CLYBL: variants seen among roughly 807,000 people sequenced by gnomAD.
The protein encoded by CLYBL is citramalyl-CoA lyase.
Under a neutral mutation model 38.9 loss-of-function variants are expected in CLYBL, and 31 were observed. That is an observed-to-expected ratio of 0.80 (90% CI 0.60 to 1.08). The LOEUF (loss-of-function observed/expected upper bound fraction) is 1.08, where lower values mean the gene tolerates loss of function less well. Ranked by LOEUF, CLYBL falls within the 50% of genes least tolerant of loss-of-function variation. The pLI, the probability that CLYBL is intolerant of heterozygous loss-of-function variation, is 0.00. For synonymous variants in CLYBL, 171 were observed against 158.6 expected (o/e 1.08, Z -0.59); for missense variants, 434 against 411.6 (o/e 1.05, Z -0.47).
Position 99,866,395 on chromosome 13 carries a change from A to G in CLYBL, c.790A>G (p.Met264Val), listed in dbSNP as rs775865969. The G allele has an allele frequency of 1.1e-5, 17 of 1,612,924 alleles. No homozygotes were observed. Among genetic ancestry groups the G allele is most frequent in the Admixed American group, 8.4e-5 (5 of 59,578 alleles). ...TAGACAGTCACGAGAAGGAGCCGCC[A>G]TGGGCTTCACTGGTATGATTCCTGT... ...LLRQSREGAA[M>V]GFTGKQVIHP... The change falls in exon 6 of 9, where the codon ATG becomes GTG. Residue 264 changes from methionine to valine, a missense_variant. Transcript: ENST00000339105.
chr13:99,680,930 A>G (rs1189234332), intron 1 of CLYBL, among the ~76,000 whole-genome samples: 3 of 152,098 alleles, frequency 2.0e-5, no homozygotes, highest in Admixed American at 6.5e-5. Context: ...ACTGTGGCCT[A>G]TCCACACACT....
intron 2 of CLYBL, among the ~76,000 whole-genome samples, chr13:99,778,676 C>G (rs1408731627): frequency 1.3e-5 from 2 of 152,190 alleles, no homozygotes; most frequent in African/African-American, 4.8e-5. Flanking sequence ...TGCCTCCACT[C>G]CCTCTTATCT....
chr13:99,870,462 A>AGAG (rs765449672), intron 6 of CLYBL, among the ~76,000 whole-genome samples: 4,465 of 152,346 alleles, frequency 0.029, no homozygotes, highest in Non-Finnish European at 0.045. Flanking sequence ...TATGAAAACC[A>AGAG]GCAGACCATT....
intron 7 of CLYBL, among the ~76,000 whole-genome samples, chr13:99,873,380 G>A (rs1463630310): frequency 6.6e-6 from 1 of 152,142 alleles, no homozygotes; most frequent in Non-Finnish European, 1.5e-5. Context: ...CATCTAGTCT[G>A]TTTTATGTCA....
At chr13:99,757,706 G>A (rs1174032025) in intron 1 of CLYBL, among the ~76,000 whole-genome samples, 1 of 152,116 alleles carries the variant, frequency 6.6e-6, no homozygotes. Flanking sequence ...TGATCCACCC[G>A]CCTCGGCCTC....
chr13:99,621,462 C>T lies in CLYBL; in HGVS notation c.62+14705C>T, dbSNP rs114778342. On this transcript the variant is annotated intron_variant, in intron 1 of 8. Coordinates refer to ENST00000339105, the MANE Select transcript of CLYBL (RefSeq NM_206808.5). ...CTAACCTCTCCGCTGACTTTTGTCA[C>T]CCTTCCCTGTGTTAAGGTGATCGAG... Among the ~76,000 whole-genome samples, 184 of 152,312 alleles carry T rather than the reference C, an allele frequency of 1.2e-3. 2 individuals are homozygous for T. The highest frequency in any genetic ancestry group is 4.2e-3 in the African/African-American group (173 of 41,562).
downstream of CLYBL, chr13:99,896,015 G>A (rs946669020): frequency 6.6e-6 from 1 of 151,646 alleles, no homozygotes; most frequent in African/African-American, 2.4e-5. Flanking sequence ...CAGGAGGAGC[G>A]CGGGGTACAC....
At chr13:99,904,463 T>C (rs2052674294) in intron 8 of CLYBL, among the ~76,000 whole-genome samples, 1 of 152,228 alleles carries the variant, frequency 6.6e-6, no homozygotes, top group Non-Finnish European at 1.5e-5. Context: ...GTTGATTGAT[T>C]CCTCACACAT....
chr13:99,824,946 GC>G (rs67051720), intron 2 of CLYBL, among the ~76,000 whole-genome samples: 29,485 of 152,038 alleles, frequency 0.19, 2,974 homozygotes, highest in African/African-American at 0.22. Context: ...CTCACCCCCT[GC>G]CCCCCACTCT....
chr13:99,726,882 G>A (rs1219920989), intron 1 of CLYBL, among the ~76,000 whole-genome samples: 1 of 152,138 alleles, frequency 6.6e-6, no homozygotes, highest in Non-Finnish European at 1.5e-5. Flanking sequence ...GTTTTGACTG[G>A]GCACAGTGAC....
chr13:99,742,222 A>C (rs1422870490), intron 1 of CLYBL, among the ~76,000 whole-genome samples: 1 of 152,232 alleles, frequency 6.6e-6, no homozygotes. Flanking sequence ...CGCACCTTGC[A>C]CTGGGAGAAA....
Position 99,886,544 on chromosome 13 carries a change from T to G in CLYBL, c.928-4774T>G, listed in dbSNP as rs1268335348. 3.3e-5 allele frequency among the ~76,000 whole-genome samples: 5 copies of G among 152,350 alleles called. 1 individual carries two copies. In the South Asian group the frequency reaches 1.0e-3, roughly 32 times the overall value. On this transcript the variant is annotated intron_variant, in intron 7 of 8. Transcript: ENST00000339105. ...CTCCAGGAGTCTGAAATCATAGACA[T>G]ATGTATAGTAAGATGTGCAAAGCAA...
chr13:99,708,497 C>A (rs1428957561), intron 1 of CLYBL, among the ~76,000 whole-genome samples: 1 of 152,192 alleles, frequency 6.6e-6, no homozygotes, highest in African/African-American at 2.4e-5. Flanking sequence ...CCCTTGGACC[C>A]ATGAGGGCCA....
chr13:99,757,702 A>G (rs1594163311), intron 1 of CLYBL, among the ~76,000 whole-genome samples: 1 of 151,928 alleles, frequency 6.6e-6, no homozygotes, highest in African/African-American at 2.4e-5. Flanking sequence ...CAGGTGATCC[A>G]CCCGCCTCGG....
chr13:99,772,636 G>T (rs1389648012), intron 1 of CLYBL, among the ~76,000 whole-genome samples, 188 bp from the exon 2 acceptor site: 2 of 152,130 alleles, frequency 1.3e-5, no homozygotes, highest in African/African-American at 4.8e-5. Flanking sequence ...GGTGGAGGTT[G>T]CAGTGAGCCG....
chr13:99,848,272 T>C (rs1031749138), intron 2 of CLYBL, among the ~76,000 whole-genome samples: 4 of 152,164 alleles, frequency 2.6e-5, no homozygotes, highest in Admixed American at 6.5e-5. Flanking sequence ...TCACTTCTCA[T>C]TATATGGGGC....
rs530547512 is a variant in CLYBL at position 99,865,960 on chromosome 13, C to T, written c.635-280C>T. ...AAAAAAATATATCAGGAGTCCCTTG[C>T]GACCCTGACCCAGCCTCCCAGAATG... On this transcript the variant is annotated intron_variant, in intron 5 of 8. Transcript: ENST00000339105. This position sits in a 1 kb window ranked among gnomAD's most constrained non-coding sequence, Gnocchi z 4.7. Among the ~76,000 whole-genome samples the T allele has an allele frequency of 2.0e-5, 3 of 152,292 alleles. No individual in the cohort carries two copies. Among genetic ancestry groups the T allele is most frequent in the South Asian group, 2.1e-4 (1 of 4,824 alleles).
At chr13:99,688,410 T>G (rs780597973) in intron 1 of CLYBL, among the ~76,000 whole-genome samples, 8 of 152,230 alleles carry the variant, frequency 5.3e-5, no homozygotes, top group Non-Finnish European at 1.2e-4. Context: ...CAGTCTGTGA[T>G]TTCATATACT....
In CLYBL at chr13:99,630,672, C is replaced by A. The variant is rs549930593; in HGVS notation, c.62+23915C>A. ...CCTGTGACCTCCCATTCCAGCTGAG[C>A]CCTCTTGTTCCCATTTGCCCTGTAT... On this transcript the variant is annotated intron_variant, in intron 1 of 8. Coordinates refer to ENST00000339105, the MANE Select transcript of CLYBL (RefSeq NM_206808.5). 2.5e-4 allele frequency among the ~76,000 whole-genome samples: 38 copies of A among 152,282 alleles called. No individual in the cohort carries two copies. In the South Asian group the frequency reaches 7.7e-3, roughly 31 times the overall value.
Sources: gnomAD v4.1 joint callset for allele counts (sites outside exome capture counted in the v4.1 genomes callset) on GRCh38, gnomAD v4.1.1 for gene constraint, Gnocchi (gnomAD v3.1) non-coding constraint, MANE v1.5 for transcripts, NCBI Gene and HGNC (gene_info 2026-07-23, HGNC 2026-07-21) for gene names.